NLGN1: variants seen among roughly 807,000 people sequenced by gnomAD.
The protein encoded by NLGN1 is neuroligin 1.
A neutral mutation model predicts 65.5 loss-of-function variants in NLGN1; 12 were observed. The ratio of observed to expected loss-of-function variants is 0.18; its 90% confidence interval spans 0.12 to 0.30. The LOEUF is 0.30. NLGN1 is among the 10% of genes least tolerant of loss of function. NLGN1 has a pLI of 1.00. For synonymous variants in NLGN1, 350 were observed against 359.5 expected (o/e 0.97, Z 0.30); for missense variants, 750 against 1,007.1 (o/e 0.74, Z 3.46).
intron 4 of NLGN1, among the ~76,000 whole-genome samples, chr3:174,272,984 G>A (rs1377957792): frequency 3.3e-5 from 5 of 149,984 alleles, no homozygotes; most frequent in Admixed American, 2.0e-4. Context: ...TAAAGTAGAA[G>A]TTACTTTTCA....
In NLGN1 at chr3:174,138,680, C is replaced by T. The variant is rs188948440; in HGVS notation, c.647-136635C>T. ...TGATCTCCTGACCTCGTGATCCGCC[C>T]GCCTCGGCCTCCCAAAGTGCTGGGA... On this transcript the variant is annotated intron_variant, in intron 4 of 6. Transcript: ENST00000457714. 6.8e-3 allele frequency among the ~76,000 whole-genome samples: 1,037 copies of T among 152,048 alleles called. 12 individuals carry two copies. Among genetic ancestry groups the T allele is most frequent in the African/African-American group, 0.023 (950 of 41,480 alleles).
chr3:174,275,695 A>C (rs2152886842), intron 5 of NLGN1, among the ~76,000 whole-genome samples, 168 bp downstream of exon 5: 1 of 151,942 alleles, frequency 6.6e-6, no homozygotes, highest in South Asian at 2.1e-4. Context: ...AATTTTCGTC[A>C]AACTCTTTTC....
chr3:173,674,701 C>T (rs995043438), intron 3 of NLGN1, among the ~76,000 whole-genome samples: 26 of 152,072 alleles, frequency 1.7e-4, no homozygotes, highest in East Asian at 3.9e-4. Flanking sequence ...TTAATTATTA[C>T]GGTAGCTTTT....
intron 4 of NLGN1, among the ~76,000 whole-genome samples, chr3:174,203,321 T>TCACC (rs767781062): frequency 2.0e-5 from 3 of 152,326 alleles, no homozygotes; most frequent in East Asian, 3.9e-4. Flanking sequence ...AAGGTCCACT[T>TCACC]CACCGTGCAC....
chr3:173,728,320 A>G (rs1474129339), intron 3 of NLGN1, among the ~76,000 whole-genome samples: 1 of 152,112 alleles, frequency 6.6e-6, no homozygotes, highest in Non-Finnish European at 1.5e-5. Context: ...CTTACAGGCA[A>G]ATTTTGGCAT....
chr3:174,281,551 A>AT (rs1245905617), exon 7 of NLGN1: 3 of 390,302 alleles, frequency 7.7e-6, no homozygotes, highest in Admixed American at 4.1e-5. Flanking sequence ...TCAAGAATTA[A>AT]TTTTTTGAAG....
At chr3:174,234,923 C>T (rs1013171684) in intron 4 of NLGN1, among the ~76,000 whole-genome samples, 1 of 147,092 alleles carries the variant, frequency 6.8e-6, no homozygotes, top group African/African-American at 2.6e-5. Context: ...TTTTGATACT[C>T]CCTTTGATGC....
Position 173,781,124 on chromosome 3 carries a change from T to G in NLGN1, c.494-26556T>G, listed in dbSNP as rs369569585. ...CGCGCCACTGCACTCCAGCCTGGGC[T>G]ACAGAGCGAGACTCCGTCTCAAAAA... is the stretch of plus-strand genomic sequence containing the variant. On this transcript the variant is annotated intron_variant, in intron 3 of 6. Coordinates refer to ENST00000457714, the Ensembl canonical transcript of NLGN1. Among the ~76,000 whole-genome samples, 129 of 86,590 alleles carry G rather than the reference T, an allele frequency of 1.5e-3. 1 individual carries two copies. The highest frequency in any genetic ancestry group is 0.019 in the Middle Eastern group (2 of 108). The allele number at this position is 86,590 out of a possible 152,430, so 56.8% of individuals were successfully genotyped here.
chr3:173,621,529 G>A (rs1753986448), intron 3 of NLGN1, among the ~76,000 whole-genome samples: 1 of 152,082 alleles, frequency 6.6e-6, no homozygotes, highest in Non-Finnish European at 1.5e-5. Context: ...GCAAGGAGCT[G>A]TGATAACAAG....
At chr3:174,207,241 T>G (rs1284151722) in intron 4 of NLGN1, among the ~76,000 whole-genome samples, 1 of 148,216 alleles carries the variant, frequency 6.7e-6, no homozygotes. Flanking sequence ...ATACAAAAAG[T>G]GCAATATTGA....
At chr3:173,809,592 C>T (rs1465563002) in intron 4 of NLGN1, among the ~76,000 whole-genome samples, 1 of 152,114 alleles carries the variant, frequency 6.6e-6, no homozygotes, top group East Asian at 1.9e-4. Context: ...GCTTTGGCCA[C>T]AAGTTTTTTT....
At chr3:173,960,461 T>C (rs1448582563) in intron 4 of NLGN1, among the ~76,000 whole-genome samples, 1 of 152,012 alleles carries the variant, frequency 6.6e-6, no homozygotes, top group Non-Finnish European at 1.5e-5. Flanking sequence ...GTTCTTTTTC[T>C]TTTAAATTTT....
intron 4 of NLGN1, among the ~76,000 whole-genome samples, chr3:173,939,865 A>G (rs1745702117): frequency 6.6e-6 from 1 of 152,078 alleles, no homozygotes; most frequent in African/African-American, 2.4e-5. Flanking sequence ...TTTGTTATCC[A>G]AAAGAAGTTG....
At chr3:173,720,579 C>A (rs1770671255) in intron 3 of NLGN1, among the ~76,000 whole-genome samples, 2 of 152,160 alleles carry the variant, frequency 1.3e-5, no homozygotes, top group African/African-American at 4.8e-5. Flanking sequence ...AACAACATAT[C>A]TTTCATTATA....
downstream of NLGN1, among the ~76,000 whole-genome samples, chr3:174,289,907 ATATG>A (rs1328902354): frequency 8.3e-5 from 12 of 144,100 alleles, no homozygotes; most frequent in South Asian, 1.5e-3. Flanking sequence ...TTATATATAT[ATATG>A]TATGTATATA....
chr3:174,203,121 TATG>T (rs1421150242), intron 4 of NLGN1, among the ~76,000 whole-genome samples: 2 of 152,214 alleles, frequency 1.3e-5, no homozygotes, highest in Non-Finnish European at 2.9e-5. Context: ...TCTCTCCTCC[TATG>T]ATTATGAGAG....
At chr3:174,194,865 TTTTC>T in intron 4 of NLGN1, among the ~76,000 whole-genome samples, 1 of 148,126 alleles carries the variant, frequency 6.8e-6, no homozygotes, top group Non-Finnish European at 1.5e-5. Context: ...CTTTTTTCTT[TTTTC>T]TTTTTTTTTG....
At chr3:173,847,002 T>A (rs28537678) in intron 4 of NLGN1, among the ~76,000 whole-genome samples, 9,167 of 152,310 alleles carry the variant, frequency 0.06, 548 homozygotes, top group African/African-American at 0.15. Flanking sequence ...TTTTAGTGAA[T>A]ACCTTTTTTT....
intron 4 of NLGN1, among the ~76,000 whole-genome samples, chr3:174,019,146 G>A (rs1727223537): frequency 6.6e-6 from 1 of 152,126 alleles, no homozygotes; most frequent in African/African-American, 2.4e-5. Flanking sequence ...TATTCCTAGT[G>A]TATTGATATA....
Sources: gnomAD v4.1 joint callset for allele counts (sites outside exome capture counted in the v4.1 genomes callset) on GRCh38, gnomAD v4.1.1 for gene constraint, MANE v1.5 for transcripts, NCBI Gene and HGNC (gene_info 2026-07-23, HGNC 2026-07-21) for gene names.